DIAPH3: variants seen among roughly 807,000 people sequenced by gnomAD.
DIAPH3 encodes the protein protein diaphanous homolog 3.
Under a neutral mutation model 144.3 loss-of-function variants are expected in DIAPH3, and 117 were observed. The observed-to-expected ratio is 0.81, with a 90% CI of 0.70 to 0.95. The LOEUF (loss-of-function observed/expected upper bound fraction) is 0.95, where lower values mean the gene tolerates loss of function less well. Among genes scored for constraint, DIAPH3 ranks in the 40% least tolerant of loss-of-function variants. The probability of loss-of-function intolerance (pLI) is 0.00; values close to 1 mark genes in which losing one functional copy is unlikely to be tolerated. For synonymous variants in DIAPH3, 519 were observed against 488.9 expected (o/e 1.06, Z -0.81); for missense variants, 1,421 against 1,412.7 (o/e 1.01, Z -0.09).
intron 27 of DIAPH3, among the ~76,000 whole-genome samples, chr13:59,736,988 T>C (rs1221329416): frequency 6.6e-6 from 1 of 152,052 alleles, no homozygotes; most frequent in Non-Finnish European, 1.5e-5. Flanking sequence ...TTAAACTATA[T>C]ATAAAAATTA....
chr13:59,761,694 A>G (rs1374181662), intron 27 of DIAPH3, among the ~76,000 whole-genome samples: 1 of 152,218 alleles, frequency 6.6e-6, no homozygotes, highest in African/African-American at 2.4e-5. Flanking sequence ...TGTACACTGA[A>G]GAGCATTTTA....
chr13:59,720,547 A>G (rs902087931), intron 27 of DIAPH3, among the ~76,000 whole-genome samples: 1 of 152,168 alleles, frequency 6.6e-6, no homozygotes, highest in East Asian at 1.9e-4. Context: ...TCAGGACAGG[A>G]AACATTGTGA....
rs575639719 is a variant in DIAPH3 at position 59,723,349 on chromosome 13, G to T, written c.3319+50840C>A. 5.9e-5 allele frequency among the ~76,000 whole-genome samples: 9 copies of T among 152,236 alleles called. No homozygotes were observed. The South Asian group carries it at 1.7e-3, about 28-fold the overall frequency. On this transcript the variant is annotated intron_variant, in intron 27 of 27. Coordinates refer to ENST00000400324, the MANE Select transcript of DIAPH3 (RefSeq NM_001042517.2). Reference sequence around the variant, plus strand: ...TGCAGGTGCCCATTCATTTCTAGAGGCAATGGATTCTGAGACATGCTACAT... The same window carrying T: ...TGCAGGTGCCCATTCATTTCTAGAGTCAATGGATTCTGAGACATGCTACAT...
intron 4 of DIAPH3, among the ~76,000 whole-genome samples, chr13:60,078,075 T>C (rs1362236586): frequency 1.3e-5 from 2 of 152,110 alleles, no homozygotes; most frequent in East Asian, 1.9e-4. Context: ...CCAATCAAGT[T>C]TGTGAGCCTC....
Position 59,860,464 on chromosome 13 carries a change from C to T in DIAPH3, c.2737+943G>A, listed in dbSNP as rs142724354. 2.2e-3 allele frequency among the ~76,000 whole-genome samples: 328 copies of T among 152,208 alleles called. 3 individuals are homozygous for T. Among genetic ancestry groups the T allele is most frequent in the African/African-American group, 7.5e-3 (313 of 41,546 alleles). ...AATATAAATGAAAATTGAGGCCGGGCGCGGTGGCTCATGCCTGTAATCCCA... is the reference window on the plus strand; with the variant it reads ...AATATAAATGAAAATTGAGGCCGGGTGCGGTGGCTCATGCCTGTAATCCCA... On this transcript the variant is annotated intron_variant, in intron 22 of 27. Coordinates refer to ENST00000400324, the MANE Select transcript of DIAPH3 (RefSeq NM_001042517.2).
At chr13:60,052,631 C>G (rs1055892249) in intron 4 of DIAPH3, among the ~76,000 whole-genome samples, 1 of 151,970 alleles carries the variant, frequency 6.6e-6, no homozygotes, top group African/African-American at 2.4e-5. Context: ...CACTGTAACA[C>G]CAATTCTTTG....
intron 3 of DIAPH3, among the ~76,000 whole-genome samples, chr13:60,104,619 T>A (rs967375324): frequency 2.0e-5 from 3 of 151,086 alleles, no homozygotes; most frequent in Non-Finnish European, 4.4e-5. Flanking sequence ...GAAATTTAAA[T>A]ATCACTTTTC....
intron 4 of DIAPH3, among the ~76,000 whole-genome samples, chr13:60,043,430 T>A (rs911014563): frequency 6.6e-6 from 1 of 152,122 alleles, no homozygotes; most frequent in African/African-American, 2.4e-5. Flanking sequence ...ATCTTCCTGG[T>A]TTTTCTTTTG....
intron 22 of DIAPH3, among the ~76,000 whole-genome samples, chr13:59,848,695 T>G (rs1240136042): frequency 1.1e-5 from 1 of 87,780 alleles, no homozygotes; most frequent in Non-Finnish European, 2.3e-5. Context: ...ATGTGCCACA[T>G]TTTCTTAATC....
intron 3 of DIAPH3, among the ~76,000 whole-genome samples, chr13:60,104,698 C>T (rs949997284): frequency 6.6e-6 from 1 of 152,072 alleles, no homozygotes; most frequent in African/African-American, 2.4e-5. Context: ...CTGCACAACT[C>T]TAATTTATTC....
At chr13:59,718,191 G>T (rs916795651) in intron 27 of DIAPH3, among the ~76,000 whole-genome samples, 4 of 152,140 alleles carry the variant, frequency 2.6e-5, no homozygotes, top group Non-Finnish European at 5.9e-5. Flanking sequence ...ATGCCACGCT[G>T]CTGGTGGTGA....
At chr13:59,979,222 G>A (rs2050845354) in intron 14 of DIAPH3, among the ~76,000 whole-genome samples, 1 of 151,534 alleles carries the variant, frequency 6.6e-6, no homozygotes, top group African/African-American at 2.4e-5. Context: ...TTAAAAATCT[G>A]TTGAGAAACT....
chr13:59,787,432 T>C (rs1472100518), intron 25 of DIAPH3, among the ~76,000 whole-genome samples: 2 of 152,018 alleles, frequency 1.3e-5, no homozygotes, highest in African/African-American at 2.4e-5. Flanking sequence ...AAAAATCAAA[T>C]AGGACAGGTA....
At chr13:59,955,063 C>CAT (rs756558513) in intron 17 of DIAPH3, among the ~76,000 whole-genome samples, 26 of 119,592 alleles carry the variant, frequency 2.2e-4, no homozygotes, top group East Asian at 6.0e-4. Context: ...AATATTCTTT[C>CAT]ATATATATAT....
chr13:60,158,386 T>C (rs183016107), intron 1 of DIAPH3, among the ~76,000 whole-genome samples: 67 of 152,356 alleles, frequency 4.4e-4, no homozygotes, highest in African/African-American at 1.6e-3. Flanking sequence ...GGGGCCTGCA[T>C]GCCTGGAAGG....
At chr13:59,955,620 TGGATAACA>T (rs1175279882) in intron 17 of DIAPH3, among the ~76,000 whole-genome samples, 3 of 152,144 alleles carry the variant, frequency 2.0e-5, no homozygotes, top group Non-Finnish European at 4.4e-5. Context: ...ACTTTGGAAC[TGGATAACA>T]GGCAGAGGTT....
At position 59,790,898 on chromosome 13, in the gene DIAPH3, A is replaced by G. The variant is rs184362509; in HGVS notation, c.3164-16075T>C. The stretch of plus-strand genomic sequence containing the variant: ...CGCTCCACAACTATAAAAAGCTGAC[A>G]AAATGAATACACGAGCCCCACAGTA... On this transcript the variant is annotated intron_variant, in intron 25 of 27. Coordinates refer to ENST00000400324, the MANE Select transcript of DIAPH3 (RefSeq NM_001042517.2). 3.2e-3 allele frequency among the ~76,000 whole-genome samples: 481 copies of G among 152,344 alleles called. 3 individuals are homozygous for G. The highest frequency in any genetic ancestry group is 0.01 in the African/African-American group (424 of 41,578).
chr13:59,998,440 A>T (rs1407000126), intron 9 of DIAPH3, among the ~76,000 whole-genome samples: 1 of 152,158 alleles, frequency 6.6e-6, no homozygotes, highest in African/African-American at 2.4e-5. Flanking sequence ...TACCCAGCAT[A>T]GCCCAGTACC....
chr13:59,996,183 T>C (rs2052178980), intron 9 of DIAPH3, among the ~76,000 whole-genome samples: 1 of 152,028 alleles, frequency 6.6e-6, no homozygotes, highest in Non-Finnish European at 1.5e-5. Flanking sequence ...AGAGTTACTG[T>C]TCCAAGCAGA....
Sources: allele counts gnomAD v4.1 joint callset (sites outside exome capture counted in the v4.1 genomes callset), GRCh38; gene constraint gnomAD v4.1.1; transcripts MANE v1.5; gene names NCBI Gene and HGNC (gene_info 2026-07-23, HGNC 2026-07-21).